The following AGBL4 variants were observed in gnomAD, a reference collection of about 807,000 sequenced individuals.
AGBL4 encodes the protein AGBL carboxypeptidase 4.
AGBL4 carries 58 observed loss-of-function variants against 66.4 expected under a neutral mutation model. The ratio of observed to expected loss-of-function variants is 0.87; its 90% CI spans 0.71 to 1.09. The LOEUF (loss-of-function observed/expected upper bound fraction) is 1.09, where lower values mean the gene tolerates loss of function less well. AGBL4 is among the 50% of genes least tolerant of loss of function. AGBL4 has a pLI of 0.00. For missense variants in AGBL4, 579 were observed against 631.0 expected (o/e 0.92, Z 0.88); for synonymous variants, 234 against 222.9 (o/e 1.05, Z -0.44).
chr1:48,722,516 C>T (rs901690164), intron 6 of AGBL4, among the ~76,000 whole-genome samples: 1 of 152,002 alleles, frequency 6.6e-6, no homozygotes, highest in African/African-American at 2.4e-5. Context: ...AGAAACTTGT[C>T]CTATTTCCTC....
At chr1:49,486,392 C>T (rs981524239) in intron 3 of AGBL4, among the ~76,000 whole-genome samples, 2 of 151,906 alleles carry the variant, frequency 1.3e-5, no homozygotes, top group Admixed American at 6.6e-5. Flanking sequence ...CACACCCAAC[C>T]CTCTGATGTC....
intron 3 of AGBL4, among the ~76,000 whole-genome samples, chr1:49,405,880 C>T (rs892659887): frequency 6.6e-6 from 1 of 152,182 alleles, no homozygotes; most frequent in Non-Finnish European, 1.5e-5. Context: ...AAAACACTCT[C>T]CAACTCAATG....
At chr1:49,113,595 G>A (rs1009705235) in intron 4 of AGBL4, among the ~76,000 whole-genome samples, 2 of 152,316 alleles carry the variant, frequency 1.3e-5, no homozygotes. Flanking sequence ...GGATTTTCTA[G>A]AAGGTTTTCA....
At chr1:49,201,502 T>C (rs2148230488) in intron 4 of AGBL4, among the ~76,000 whole-genome samples, 2 of 152,324 alleles carry the variant, frequency 1.3e-5, no homozygotes, top group Admixed American at 1.3e-4. Flanking sequence ...GTCAAAGTCC[T>C]TTTTAATGTG....
intron 4 of AGBL4, among the ~76,000 whole-genome samples, chr1:49,085,604 C>T (rs952447031): frequency 3.3e-5 from 5 of 151,698 alleles, no homozygotes; most frequent in African/African-American, 7.3e-5. Flanking sequence ...GGGCAATCAT[C>T]GAGAAACCAT....
At chr1:49,200,084 T>C (rs1475859981) in intron 4 of AGBL4, among the ~76,000 whole-genome samples, 1 of 152,122 alleles carries the variant, frequency 6.6e-6, no homozygotes, top group Non-Finnish European at 1.5e-5. Context: ...CAGGATTCTT[T>C]TACCTTGGGT....
At chr1:49,442,439 G>A (rs1298473250) in intron 3 of AGBL4, among the ~76,000 whole-genome samples, 2 of 152,126 alleles carry the variant, frequency 1.3e-5, no homozygotes, top group Admixed American at 6.6e-5. Flanking sequence ...TCTCTGTTAT[G>A]TATCTTTCCA....
chr1:49,642,272 G>T (rs1227051922), intron 3 of AGBL4, among the ~76,000 whole-genome samples: 1 of 151,902 alleles, frequency 6.6e-6, no homozygotes, highest in Non-Finnish European at 1.5e-5. Context: ...TAAAACAATG[G>T]TTTTAAAGAC....
In AGBL4 at chr1:48,586,987, G is replaced by A. The variant is rs773299911; in HGVS notation, c.1267+17C>T. On this transcript the variant is annotated intron_variant, in intron 11 of 13. Coordinates refer to ENST00000371839, the MANE Select transcript of AGBL4 (RefSeq NM_032785.4). The stretch of plus-strand genomic sequence containing the variant: ...TGGATGAGGGCTGGCCCAAGGCTGG[G>A]TGGGGACTAAGGATACAGGCTTCTT... 3 of 1,609,844 alleles carry A rather than the reference G, an allele frequency of 1.9e-6. No homozygotes were observed. The highest frequency in any genetic ancestry group is 2.5e-6 in the Non-Finnish European group (3 of 1,178,378).
intron 5 of AGBL4, among the ~76,000 whole-genome samples, chr1:48,957,536 G>T (rs1426708284): frequency 6.6e-6 from 1 of 152,136 alleles, no homozygotes; most frequent in Non-Finnish European, 1.5e-5. Flanking sequence ...TTTACAAAGT[G>T]ATTGTGCCAA....
intron 3 of AGBL4, among the ~76,000 whole-genome samples, chr1:49,445,707 A>T (rs554812853): frequency 1.3e-5 from 2 of 151,922 alleles, no homozygotes; most frequent in Non-Finnish European, 2.9e-5. Flanking sequence ...CAGAATTTCT[A>T]TTTGGTTCTT....
chr1:48,754,632 G>A (rs1570523312), intron 6 of AGBL4, among the ~76,000 whole-genome samples: 2 of 152,074 alleles, frequency 1.3e-5, no homozygotes, highest in Non-Finnish European at 2.9e-5. Flanking sequence ...TGGGGGTCAC[G>A]GGGCAAAAGT....
intron 4 of AGBL4, among the ~76,000 whole-genome samples, chr1:49,215,300 T>A (rs1048145235): frequency 6.6e-6 from 1 of 152,006 alleles, no homozygotes; most frequent in African/African-American, 2.4e-5. Context: ...TTAAGAGGAG[T>A]ATCTAGGGCT....
At chr1:49,046,492 A>G (rs1209327974) in intron 4 of AGBL4, among the ~76,000 whole-genome samples, 3 of 152,186 alleles carry the variant, frequency 2.0e-5, no homozygotes, top group African/African-American at 4.8e-5. Flanking sequence ...CTGTGTGGGC[A>G]ATTTTGCTAA....
At chr1:49,131,542 A>G (rs1265320696) in intron 4 of AGBL4, among the ~76,000 whole-genome samples, 1 of 152,086 alleles carries the variant, frequency 6.6e-6, no homozygotes, top group Non-Finnish European at 1.5e-5. Context: ...AGCTAACCCA[A>G]ATTAGGGGCT....
rs1405844290 is a variant in AGBL4 at position 49,851,435 on chromosome 1, T to G, written c.118A>C (p.Lys40Gln). Reference protein sequence around the residue: ...VLPTGYCGQPKKGHLIFDACF... With the variant: ...VLPTGYCGQPQKGHLIFDACF... Reference sequence around the variant, plus strand: ...GCATCAAAGATAAGATGTCCTTTCTTGGGCTGTCCACAATAGCCAGTTGGA... The same window carrying G: ...GCATCAAAGATAAGATGTCCTTTCTGGGGCTGTCCACAATAGCCAGTTGGA... The change falls in exon 2 of 14, where the codon AAG becomes CAG. Residue 40 changes from lysine (K) to glutamine (Q), a missense_variant. Lys to Gln is a moderately conservative substitution (Grantham distance 53). Coordinates refer to ENST00000371839, the MANE Select transcript of AGBL4 (RefSeq NM_032785.4). The G allele has an allele frequency of 1.3e-6, 2 of 1,550,634 alleles. No homozygotes were observed. The highest frequency in any genetic ancestry group is 4.9e-5 in the East Asian group (2 of 40,834).
chr1:49,738,666 G>A (rs1359479191), intron 2 of AGBL4, among the ~76,000 whole-genome samples: 1 of 152,218 alleles, frequency 6.6e-6, no homozygotes, highest in Non-Finnish European at 1.5e-5. Flanking sequence ...AGTAGGGGCA[G>A]ACTGACACCT....
At chr1:49,338,292 A>G (rs1371859776) in intron 3 of AGBL4, among the ~76,000 whole-genome samples, 1 of 152,158 alleles carries the variant, frequency 6.6e-6, no homozygotes, top group East Asian at 1.9e-4. Context: ...TTAACCCGGA[A>G]CACATTTCTA....
intron 4 of AGBL4, among the ~76,000 whole-genome samples, chr1:49,086,565 C>T (rs1015996224): frequency 6.6e-6 from 1 of 152,058 alleles, no homozygotes; most frequent in Non-Finnish European, 1.5e-5. Flanking sequence ...GGTATCCAGG[C>T]AAGCTACATC....
Sources: gnomAD v4.1 joint callset for allele counts (sites outside exome capture counted in the v4.1 genomes callset) on GRCh38, gnomAD v4.1.1 for gene constraint, MANE v1.5 for transcripts, NCBI Gene and HGNC (gene_info 2026-07-23, HGNC 2026-07-21) for gene names.